The following C2CD2 variants were observed in gnomAD, a reference collection of about 807,000 sequenced individuals.
C2CD2 encodes the protein C2 domain-containing protein 2.
A neutral mutation model predicts 74.3 loss-of-function variants in C2CD2; 43 were observed. The ratio of observed to expected loss-of-function variants is 0.58; its 90% CI spans 0.45 to 0.75. C2CD2 has a LOEUF of 0.75. Ranked by LOEUF, C2CD2 falls within the 30% of genes least tolerant of loss-of-function variation. C2CD2 has a pLI of 0.00. For missense variants in C2CD2, 801 were observed against 916.3 expected, an observed-to-expected ratio of 0.87 and a Z score of 1.63; for synonymous variants, 422 against 390.7, an observed-to-expected ratio of 1.08 and a Z score of -0.94.
chr21:41,900,739 C>A (rs1035092445), intron 12 of C2CD2, among the ~76,000 whole-genome samples: 1 of 148,892 alleles, frequency 6.7e-6, no homozygotes. Context: ...TCTTCCTCAT[C>A]CCCCTCCTAC....
In C2CD2 at chr21:41,899,731, C is replaced by T. The variant is rs773106426; in HGVS notation, c.1561-369G>A. Among the ~76,000 whole-genome samples, 1 of 152,058 alleles carries T rather than the reference C, an allele frequency of 6.6e-6. No homozygotes were observed. The highest frequency in any genetic ancestry group is 6.5e-5 in the Admixed American group (1 of 15,270). On this transcript the variant is annotated intron_variant, in intron 12 of 13. Coordinates refer to ENST00000380486, the MANE Select transcript of C2CD2 (RefSeq NM_015500.2). The surrounding 1 kb of genome is among the most constrained non-coding windows in gnomAD (Gnocchi z 4.4). Reference sequence around the variant, plus strand: ...TCCACGACAGCACAAAGGAAATGGCCGTGGGTGTTTCGGGTTTAGCTGTCT... The same window carrying T: ...TCCACGACAGCACAAAGGAAATGGCTGTGGGTGTTTCGGGTTTAGCTGTCT...
intron 8 of C2CD2, chr21:41,908,078 T>C (rs751280706): frequency 1.2e-5 from 5 of 400,554 alleles, no homozygotes; most frequent in Non-Finnish European, 2.3e-5. Flanking sequence ...GGTCGTCCAG[T>C]GACAAAAACT....
chr21:41,892,712 T>C lies in C2CD2; in HGVS notation c.1871-3368A>G, dbSNP rs901293855. ...TGAACATGCAGCTGGGGTTATCCAC[T>C]GCTAGCCCGGGTCTGGCCAAAATGC... On this transcript the variant is annotated intron_variant, in intron 13 of 13. Coordinates refer to ENST00000380486, the MANE Select transcript of C2CD2 (RefSeq NM_015500.2). This position sits in a 1 kb window ranked among gnomAD's most constrained non-coding sequence, Gnocchi z 4.6. Among the ~76,000 whole-genome samples, 4 of 152,248 alleles carry C rather than the reference T, an allele frequency of 2.6e-5. No homozygotes were observed. Among genetic ancestry groups the C allele is most frequent in the African/African-American group, 9.6e-5 (4 of 41,472 alleles).
intron 13 of C2CD2, among the ~76,000 whole-genome samples, chr21:41,896,535 A>C (rs1455945828): frequency 6.6e-6 from 1 of 152,134 alleles, no homozygotes; most frequent in Admixed American, 6.5e-5. Context: ...TCCACGACCA[A>C]CTTCACTGAT....
intron 2 of C2CD2, among the ~76,000 whole-genome samples, chr21:41,938,152 A>G (rs187114925): frequency 1.3e-5 from 2 of 151,094 alleles, no homozygotes; most frequent in Admixed American, 1.3e-4. Context: ...TGTTAGATTT[A>G]GCCATTCCAC....
chr21:41,901,541 C>T lies in C2CD2; in HGVS notation c.1560+81G>A, dbSNP rs758718458. 58 of 1,462,146 alleles carry T rather than the reference C, an allele frequency of 4.0e-5. No individual in the cohort carries two copies. The Middle Eastern group carries it at 7.0e-4, about 18-fold the overall frequency. 90.6% of individuals were successfully genotyped at this position (1,462,146 alleles called of 1,614,324 possible). A position where few individuals can be genotyped will look rare whatever the true frequency, so the allele number is the denominator to read the frequency against. On this transcript the variant is annotated intron_variant, in intron 12 of 13. Transcript: ENST00000380486. ...TCTGGACGTTAACCAAGTGCTTGGGCTAACTTCTTCAAAGGGCAGAGGAGC... is the reference window on the plus strand; with the variant it reads ...TCTGGACGTTAACCAAGTGCTTGGGTTAACTTCTTCAAAGGGCAGAGGAGC...
intron 3 of C2CD2, 176 bp from the exon 4 acceptor site, chr21:41,919,136 GCATGTGTGCT>G: frequency 1.6e-6 from 1 of 617,330 alleles, no homozygotes; most frequent in East Asian, 2.8e-5. Flanking sequence ...GTGCATATGA[GCATGTGTGCT>G]CATGTGTGCA....
At chr21:41,934,767 G>A (rs35467907) in intron 2 of C2CD2, among the ~76,000 whole-genome samples, 40,638 of 152,038 alleles carry the variant, frequency 0.27, 6,359 homozygotes, top group Non-Finnish European at 0.34. Context: ...CAGGTGAGAA[G>A]CCGAGCCACA....
At position 41,953,357 on chromosome 21, in the gene C2CD2, C is replaced by G; in HGVS notation, c.279+13G>C. 1 of 1,405,974 alleles carries G rather than the reference C, an allele frequency of 7.1e-7. No homozygotes were observed. The highest frequency in any genetic ancestry group is 9.3e-7 in the Non-Finnish European group (1 of 1,074,996). 87.1% of individuals were successfully genotyped at this position (1,405,974 alleles called of 1,614,324 possible). A position where few individuals can be genotyped will look rare whatever the true frequency, so the allele number is the denominator to read the frequency against. Reference sequence around the variant, plus strand: ...CATCTGCCGCCCCCCGGCCCGCAGTCCCGGAAACTCACCCCTTTCCTCTCG... The same window carrying G: ...CATCTGCCGCCCCCCGGCCCGCAGTGCCGGAAACTCACCCCTTTCCTCTCG... On this transcript the variant is annotated intron_variant, in intron 1 of 13. Coordinates refer to ENST00000380486, the MANE Select transcript of C2CD2 (RefSeq NM_015500.2).
At chr21:41,915,838 C>T (rs776821932) in intron 5 of C2CD2, among the ~76,000 whole-genome samples, 1 of 152,086 alleles carries the variant, frequency 6.6e-6, no homozygotes, top group Non-Finnish European at 1.5e-5. Flanking sequence ...GGTACATGTG[C>T]ACAACGTGCG....
At chr21:41,914,810 G>T (rs1357240410) in intron 5 of C2CD2, 89 bp from the exon 6 acceptor site, 2 of 1,157,860 alleles carry the variant, frequency 1.7e-6, no homozygotes, top group Non-Finnish European at 2.5e-6. Context: ...TATGGGGGGT[G>T]GTGGCAGTGG....
At chr21:41,951,758 A>G (rs760091343) in intron 1 of C2CD2, among the ~76,000 whole-genome samples, 11 of 152,242 alleles carry the variant, frequency 7.2e-5, no homozygotes, top group Non-Finnish European at 1.3e-4. Flanking sequence ...TCAGATGGGA[A>G]TATGGAAGGA....
chr21:41,946,326 A>C (rs908816840), intron 1 of C2CD2, among the ~76,000 whole-genome samples: 2 of 152,150 alleles, frequency 1.3e-5, no homozygotes, highest in Non-Finnish European at 2.9e-5. Flanking sequence ...TCGAATTTTA[A>C]TCTCCAGTGT....
intron 13 of C2CD2, among the ~76,000 whole-genome samples, chr21:41,897,059 C>T (rs1031058447): frequency 1.2e-4 from 18 of 152,202 alleles, no homozygotes; most frequent in African/African-American, 4.1e-4. Flanking sequence ...GCCCCAGCCC[C>T]CAACACACCT....
chr21:41,934,930 C>T (rs761445991), intron 2 of C2CD2, among the ~76,000 whole-genome samples: 24 of 151,456 alleles, frequency 1.6e-4, no homozygotes, highest in Admixed American at 5.9e-4. Flanking sequence ...CTGGCTTTGT[C>T]GCTCAGGCTG....
intron 13 of C2CD2, among the ~76,000 whole-genome samples, chr21:41,898,557 G>A (rs976822884): frequency 8.5e-5 from 13 of 152,202 alleles, no homozygotes; most frequent in Non-Finnish European, 5.9e-5. Context: ...TAAGTTAACC[G>A]ATTCATTATT....
At position 41,905,840 on chromosome 21, in the gene C2CD2, G is replaced by C; in HGVS notation, c.1319-3C>G. 1 of 1,508,238 alleles carries C rather than the reference G, an allele frequency of 6.6e-7. No individual in the cohort carries two copies. The highest frequency in any genetic ancestry group is 9.2e-7 in the Non-Finnish European group (1 of 1,083,520). 93.4% of individuals were successfully genotyped at this position (1,508,238 alleles called of 1,614,324 possible). On this transcript the variant is annotated splice_polypyrimidine_tract_variant and splice_region_variant and intron_variant, in intron 10 of 13. Transcript: ENST00000380486. ...GATGGGAGTCTTCACCGGAGAATCTGCCAGAGGAAGATCCTGATTACAAAA... is the reference window on the plus strand; with the variant it reads ...GATGGGAGTCTTCACCGGAGAATCTCCCAGAGGAAGATCCTGATTACAAAA...
rs2065178634 is a variant in C2CD2 at position 41,923,607 on chromosome 21, G to GA, written c.379-1523dup. ...AAATTATGCAGCCGTACCAAAACCA[G>GA]AATTATAAAATGAGCTCGTTGAAGA... On this transcript the variant is annotated intron_variant, in intron 2 of 13. Coordinates refer to ENST00000380486, the MANE Select transcript of C2CD2 (RefSeq NM_015500.2). The surrounding 1 kb of genome is among the most constrained non-coding windows in gnomAD (Gnocchi z 5.8). Among the ~76,000 whole-genome samples, 1 of 152,142 alleles carries GA rather than the reference G, an allele frequency of 6.6e-6. No homozygotes were observed. Among genetic ancestry groups the GA allele is most frequent in the South Asian group, 2.1e-4 (1 of 4,832 alleles).
intron 2 of C2CD2, among the ~76,000 whole-genome samples, chr21:41,927,262 T>C (rs184492438): frequency 1.8e-3 from 273 of 152,192 alleles, no homozygotes; most frequent in African/African-American, 6.2e-3. Flanking sequence ...GCCTCCTGGG[T>C]TTAAGCAATT....
Sources: allele counts gnomAD v4.1 joint callset (sites outside exome capture counted in the v4.1 genomes callset), GRCh38; gene constraint gnomAD v4.1.1; non-coding constraint Gnocchi (gnomAD v3.1); transcripts MANE v1.5; gene names NCBI Gene and HGNC (gene_info 2026-07-23, HGNC 2026-07-21).